Variants in DPP10 observed in about 807,000 individuals in gnomAD.
DPP10 encodes the protein inactive dipeptidyl peptidase 10.
In DPP10, 33 loss-of-function variants were observed where a neutral mutation model predicts 120.9. That is an observed-to-expected ratio of 0.27 (90% CI 0.21 to 0.37). The LOEUF is 0.37. Among genes scored for constraint, DPP10 ranks in the 10% least tolerant of loss-of-function variants. The pLI, the probability that DPP10 is intolerant of heterozygous loss-of-function variation, is 1.00. For missense variants in DPP10, 816 were observed against 942.8 expected, an observed-to-expected ratio of 0.87 and a Z score of 1.76; for synonymous variants, 337 against 326.1, an observed-to-expected ratio of 1.03 and a Z score of -0.36.
At chr2:114,869,154 T>C (rs952584647) in intron 1 of DPP10, among the ~76,000 whole-genome samples, 4 of 152,222 alleles carry the variant, frequency 2.6e-5, no homozygotes, top group African/African-American at 7.2e-5. Context: ...AAATATGCAA[T>C]TGGGAATTAG....
Position 114,705,535 on chromosome 2 carries a change from C to A in DPP10, c.60+262697C>A, listed in dbSNP as rs114657720. On this transcript the variant is annotated intron_variant, in intron 1 of 25. Coordinates refer to ENST00000410059, the MANE Select transcript of DPP10 (RefSeq NM_020868.6). ...GTCTTAATTTACTTTCCTTGATCAC[C>A]GTGTCTATTAGTTGCCAAAAGGAAA... 7.9e-3 allele frequency among the ~76,000 whole-genome samples: 1,199 copies of A among 152,028 alleles called. 15 individuals carry two copies. Among genetic ancestry groups the A allele is most frequent in the African/African-American group, 0.027 (1,128 of 41,454 alleles).
chr2:115,603,144 G>GTA lies in DPP10; in HGVS notation c.441+77173_441+77174insAT, dbSNP rs879655484. 7.8e-3 allele frequency among the ~76,000 whole-genome samples: 1,156 copies of GTA among 147,826 alleles called. 37 individuals carry two copies. Among genetic ancestry groups the GTA allele is most frequent in the Admixed American group, 0.054 (808 of 15,002 alleles). On this transcript the variant is annotated intron_variant, in intron 5 of 25. Coordinates refer to ENST00000410059, the MANE Select transcript of DPP10 (RefSeq NM_020868.6). ...AAACTGTGTGTGTGTGTGTGTGTGT[G>GTA]TGTGTGTGTGTGTGTGTGTGTGTGT...
chr2:114,781,024 G>C (rs1395898142), intron 1 of DPP10, among the ~76,000 whole-genome samples: 1 of 152,132 alleles, frequency 6.6e-6, no homozygotes, highest in Non-Finnish European at 1.5e-5. Context: ...GATGAGAAAT[G>C]TGTTTAACAT....
intron 5 of DPP10, among the ~76,000 whole-genome samples, chr2:115,527,416 T>C (rs73946561): frequency 0.098 from 14,879 of 152,092 alleles, 1,359 homozygotes; most frequent in East Asian, 0.24. Flanking sequence ...TGCTTTTAAA[T>C]GTAAAGTATA....
At chr2:115,772,174 A>G (rs1386172435) in intron 13 of DPP10, among the ~76,000 whole-genome samples, 3 of 152,170 alleles carry the variant, frequency 2.0e-5, no homozygotes, top group African/African-American at 7.2e-5. Context: ...TTAAATGCAC[A>G]CTTTTCCCAC....
At chr2:115,194,749 A>G (rs1020520455) in intron 1 of DPP10, among the ~76,000 whole-genome samples, 61 of 152,190 alleles carry the variant, frequency 4.0e-4, no homozygotes, top group African/African-American at 1.4e-3. Flanking sequence ...TTCTGTGAAC[A>G]TTTGTGGAAT....
intron 5 of DPP10, among the ~76,000 whole-genome samples, chr2:115,571,392 A>G (rs953965597): frequency 1.3e-5 from 2 of 152,028 alleles, no homozygotes; most frequent in Non-Finnish European, 2.9e-5. Context: ...TCCCTCCCCC[A>G]TATAGTAGTC....
At chr2:114,867,097 C>T (rs932013252) in intron 1 of DPP10, among the ~76,000 whole-genome samples, 3 of 152,096 alleles carry the variant, frequency 2.0e-5, no homozygotes, top group Non-Finnish European at 1.5e-5. Context: ...TCTTGGTTTT[C>T]TTCAAGATCT....
chr2:115,468,280 T>C (rs553227878), intron 3 of DPP10: 7 of 511,770 alleles, frequency 1.4e-5, no homozygotes, highest in African/African-American at 9.6e-5. Context: ...GTCAGTGTCA[T>C]GTCCTCCAGG....
chr2:115,725,195 G>T (rs1053578239), intron 7 of DPP10, among the ~76,000 whole-genome samples: 19 of 152,164 alleles, frequency 1.2e-4, no homozygotes, highest in African/African-American at 4.1e-4. Context: ...TCTAAATGCA[G>T]CCCTTGATCA....
chr2:114,492,035 C>T (rs546675484), intron 1 of DPP10, among the ~76,000 whole-genome samples: 1 of 152,174 alleles, frequency 6.6e-6, no homozygotes, highest in South Asian at 2.1e-4. Context: ...GATTAACATC[C>T]TTTTGCTCAT....
intron 1 of DPP10, among the ~76,000 whole-genome samples, chr2:114,826,835 C>T (rs1322376400): frequency 6.6e-6 from 1 of 152,118 alleles, no homozygotes; most frequent in African/African-American, 2.4e-5. Context: ...GCCAAGAAGA[C>T]TATTTTTATT....
At chr2:114,941,154 A>G (rs2104566907) in intron 1 of DPP10, among the ~76,000 whole-genome samples, 1 of 152,374 alleles carries the variant, frequency 6.6e-6, no homozygotes, top group Non-Finnish European at 1.5e-5. Context: ...CTTAATTTGA[A>G]GTTGCTTTGC....
intron 7 of DPP10, among the ~76,000 whole-genome samples, chr2:115,719,744 A>T (rs574960967): frequency 6.6e-6 from 1 of 152,294 alleles, no homozygotes. Context: ...GCTGATATAT[A>T]TTCTATATAA....
chr2:115,701,405 C>T (rs534055784), intron 7 of DPP10, among the ~76,000 whole-genome samples: 1 of 152,142 alleles, frequency 6.6e-6, no homozygotes, highest in Admixed American at 6.5e-5. Flanking sequence ...AAAATAAACT[C>T]TTACCTAATA....
intron 13 of DPP10, among the ~76,000 whole-genome samples, chr2:115,776,815 A>G (rs1682156736): frequency 1.3e-5 from 2 of 151,920 alleles, no homozygotes; most frequent in African/African-American, 4.8e-5. Context: ...AAAGGTTAAA[A>G]TGAATACAAA....
chr2:115,732,005 C>G (rs1198843579), intron 8 of DPP10, among the ~76,000 whole-genome samples: 1 of 151,928 alleles, frequency 6.6e-6, no homozygotes, highest in Admixed American at 6.6e-5. Flanking sequence ...AGCTCCAGAC[C>G]TTTTTTTTCC....
intron 1 of DPP10, among the ~76,000 whole-genome samples, chr2:115,040,427 A>G (rs1206568032): frequency 6.6e-6 from 1 of 152,182 alleles, no homozygotes; most frequent in East Asian, 1.9e-4. Context: ...GAACTAAATT[A>G]TAGTTGACTA....
At chr2:114,770,996 T>C (rs902144075) in intron 1 of DPP10, among the ~76,000 whole-genome samples, 3 of 152,178 alleles carry the variant, frequency 2.0e-5, no homozygotes, top group Non-Finnish European at 2.9e-5. Flanking sequence ...ACTAAAACAC[T>C]TTGGATATGA....
Sources: allele counts gnomAD v4.1 joint callset (sites outside exome capture counted in the v4.1 genomes callset), GRCh38; gene constraint gnomAD v4.1.1; transcripts MANE v1.5; gene names NCBI Gene and HGNC (gene_info 2026-07-23, HGNC 2026-07-21).